Variants in SLMAP observed in about 807,000 individuals in gnomAD.
SLMAP encodes the protein sarcolemmal membrane-associated protein.
SLMAP carries 44 observed loss-of-function variants against 128.8 expected under a neutral mutation model. The observed-to-expected ratio is 0.34, with a 90% CI of 0.27 to 0.44. The LOEUF is 0.44. Ranked by LOEUF, SLMAP falls within the 20% of genes least tolerant of loss-of-function variation. SLMAP has a pLI of 1.00. For missense variants in SLMAP, 787 were observed against 985.3 expected (o/e 0.80, Z 2.69); for synonymous variants, 327 against 348.8 (o/e 0.94, Z 0.70).
intron 2 of SLMAP, among the ~76,000 whole-genome samples, chr3:57,829,209 G>C (rs2093158712): frequency 6.6e-6 from 1 of 151,708 alleles, no homozygotes; most frequent in African/African-American, 2.4e-5. Context: ...ATTTCTTTTT[G>C]TTTTTCAACA....
At chr3:57,854,108 GAT>G (rs1341475253) in intron 6 of SLMAP, among the ~76,000 whole-genome samples, 1 of 138,556 alleles carries the variant, frequency 7.2e-6, no homozygotes, top group Non-Finnish European at 1.5e-5. Flanking sequence ...TGTATCTTTG[GAT>G]ATATATATCT....
intron 4 of SLMAP, among the ~76,000 whole-genome samples, chr3:57,841,935 A>G (rs779426745): frequency 3.2e-4 from 49 of 152,172 alleles, no homozygotes; most frequent in Admixed American, 3.2e-3. Context: ...TTAAAAGCAT[A>G]TGTAAGTACA....
At chr3:57,884,670 A>G (rs1405242891) in intron 14 of SLMAP, among the ~76,000 whole-genome samples, 1 of 152,096 alleles carries the variant, frequency 6.6e-6, no homozygotes, top group African/African-American at 2.4e-5. Context: ...TCAGCCGGGC[A>G]TGGTGGTGTG....
At chr3:57,836,676 G>T (rs1418471193) in intron 3 of SLMAP, among the ~76,000 whole-genome samples, 1 of 152,126 alleles carries the variant, frequency 6.6e-6, no homozygotes, top group Non-Finnish European at 1.5e-5. Context: ...TTTGTGTATG[G>T]CTTCAAGGAG....
chr3:57,891,289 T>C (rs752758459), intron 15 of SLMAP: 5 of 152,212 alleles, frequency 3.3e-5, no homozygotes, highest in Non-Finnish European at 5.9e-5. Context: ...TAGAAAATAT[T>C]TTCTTGAAAT....
chr3:57,889,100 G>A (rs2095991544), intron 14 of SLMAP, among the ~76,000 whole-genome samples: 1 of 152,108 alleles, frequency 6.6e-6, no homozygotes, highest in African/African-American at 2.4e-5. Flanking sequence ...TAGCCAGGAT[G>A]GTCTCTGTCT....
At chr3:57,855,723 AAAC>A (rs1367547387) in intron 6 of SLMAP, among the ~76,000 whole-genome samples, 3 of 149,206 alleles carry the variant, frequency 2.0e-5, no homozygotes, top group African/African-American at 5.0e-5. Flanking sequence ...AAAAAAAAAA[AAAC>A]AAAAAAAAAA....
At position 57,922,906 on chromosome 3, in the gene SLMAP, T is replaced by C; in HGVS notation, c.2328T>C (p.Thr776=). 1 of 1,613,376 alleles carries C rather than the reference T, an allele frequency of 6.2e-7. No individual in the cohort carries two copies. Among genetic ancestry groups the C allele is most frequent in the South Asian group, 1.1e-5 (1 of 91,074 alleles). ...GCCTTTAGTATGAAAAGACACAGACTGTACTCTCAGAACTGAAGTTGAAGT... is the reference window on the plus strand; with the variant it reads ...GCCTTTAGTATGAAAAGACACAGACCGTACTCTCAGAACTGAAGTTGAAGT... ...DVQKEYEKTQ[T]VLSELKLKFE... Residue 776 remains threonine, a synonymous_variant, in exon 23 of 25, where the codon ACT becomes ACC. Transcript: ENST00000671191.
intron 2 of SLMAP, among the ~76,000 whole-genome samples, chr3:57,774,776 A>C (rs2153450305): frequency 6.6e-6 from 1 of 152,100 alleles, no homozygotes; most frequent in East Asian, 1.9e-4. Flanking sequence ...CACCCGCCTC[A>C]GCCTCCCAAA....
At chr3:57,792,529 G>A (rs116789573) in intron 2 of SLMAP, among the ~76,000 whole-genome samples, 1,921 of 152,008 alleles carry the variant, frequency 0.013, 29 homozygotes, top group African/African-American at 0.044. Context: ...GATCTCCTCA[G>A]TATTGGTTTT....
intron 3 of SLMAP, 121 bp downstream of exon 3, chr3:57,831,651 A>T (rs1461880921): frequency 1.6e-6 from 1 of 614,204 alleles, no homozygotes; most frequent in African/African-American, 1.9e-5. Context: ...ACAGCATTAT[A>T]TACAGTGAAA....
At chr3:57,784,451 C>T (rs2083676733) in intron 2 of SLMAP, among the ~76,000 whole-genome samples, 1 of 152,164 alleles carries the variant, frequency 6.6e-6, no homozygotes, top group Non-Finnish European at 1.5e-5. Context: ...CCAGTTACCC[C>T]TCTTTTCCTC....
chr3:57,909,699 G>A (rs1226538139), intron 19 of SLMAP, among the ~76,000 whole-genome samples: 2 of 151,002 alleles, frequency 1.3e-5, no homozygotes, highest in Admixed American at 6.6e-5. Context: ...TGCAACCTCC[G>A]CCTCCCAGGT....
intron 2 of SLMAP, among the ~76,000 whole-genome samples, chr3:57,812,829 T>C (rs1057122055): frequency 1.3e-5 from 2 of 152,014 alleles, no homozygotes; most frequent in Non-Finnish European, 2.9e-5. Context: ...TTTTTCCTTT[T>C]TTTTTCTTAA....
Position 57,907,870 on chromosome 3 carries a change from C to A in SLMAP, c.1502-14C>A. The A allele has an allele frequency of 6.2e-7, 1 of 1,610,518 alleles. No individual in the cohort carries two copies. Among genetic ancestry groups the A allele is most frequent in the South Asian group, 1.1e-5 (1 of 90,518 alleles). On this transcript the variant is annotated splice_polypyrimidine_tract_variant and intron_variant, in intron 17 of 24. Transcript: ENST00000671191. ...TACTAACTCTTGCTTTTAAAATAAA[C>A]ATGTTTTTGTCAGATGACTTGCAGG... is the stretch of plus-strand genomic sequence containing the variant.
At chr3:57,848,602 C>T (rs1401781857) in intron 5 of SLMAP, among the ~76,000 whole-genome samples, 1 of 148,022 alleles carries the variant, frequency 6.8e-6, no homozygotes, top group African/African-American at 2.5e-5. Flanking sequence ...TTCCTCCTTC[C>T]TCCTCCCCCT....
chr3:57,924,400 C>T (rs1422668392), intron 23 of SLMAP, among the ~76,000 whole-genome samples: 1 of 149,886 alleles, frequency 6.7e-6, no homozygotes, highest in East Asian at 1.9e-4. Flanking sequence ...CGGAGTTTTG[C>T]TCTTGTTGCC....
At chr3:57,844,801 G>T (rs1332589423) in intron 4 of SLMAP, among the ~76,000 whole-genome samples, 1 of 135,372 alleles carries the variant, frequency 7.4e-6, no homozygotes, top group Non-Finnish European at 1.6e-5. Flanking sequence ...TGCAACCTCC[G>T]CCTCCCAGGT....
At position 57,913,205 on chromosome 3, in the gene SLMAP, T is replaced by G. The variant is rs2096736239; in HGVS notation, c.2068T>G (p.Cys690Gly). Residue 690 changes from cysteine (C) to glycine (G), a missense_variant, in exon 21 of 25, where the codon TGC becomes GGC. By Grantham distance (159) the Cys-to-Gly change is radical. Transcript: ENST00000671191. The stretch of plus-strand genomic sequence containing the variant: ...GGAATGGAATGCATTGGAAACCGAA[T>G]GCCATTCTCTAAAAAGGGAAAATGT... ...RKEWNALETECHSLKRENVLL... is the reference protein window; with the variant it reads ...RKEWNALETEGHSLKRENVLL... The G allele has an allele frequency of 1.2e-6, 2 of 1,600,680 alleles. No individual in the cohort carries two copies. Among genetic ancestry groups the G allele is most frequent in the Admixed American group, 3.3e-5 (2 of 59,856 alleles).
Sources: allele counts gnomAD v4.1 joint callset (sites outside exome capture counted in the v4.1 genomes callset), GRCh38; gene constraint gnomAD v4.1.1; transcripts MANE v1.5; gene names NCBI Gene and HGNC (gene_info 2026-07-23, HGNC 2026-07-21).